The following SPAG16 variants were observed in gnomAD, a reference collection of about 807,000 sequenced individuals.
The protein encoded by SPAG16 is sperm associated antigen 16, also known as sperm-associated antigen 16 protein.
In SPAG16, 86 loss-of-function variants were observed where a neutral mutation model predicts 80.4. The observed-to-expected ratio is 1.07, with a 90% confidence interval of 0.90 to 1.28. The LOEUF is 1.28. Ranked by LOEUF, SPAG16 falls within the 50% of genes most tolerant of loss-of-function variation. The pLI is 0.00. For missense variants in SPAG16, 870 were observed against 765.3 expected (o/e 1.14, Z -1.61); for synonymous variants, 294 against 265.9 (o/e 1.11, Z -1.03).
At chr2:213,560,077 G>A (rs994423285) in intron 10 of SPAG16, among the ~76,000 whole-genome samples, 1 of 151,882 alleles carries the variant, frequency 6.6e-6, no homozygotes, top group Non-Finnish European at 1.5e-5. Flanking sequence ...AATATTGAAT[G>A]CATTCACTCA....
intron 15 of SPAG16, among the ~76,000 whole-genome samples, chr2:214,195,475 C>G (rs2057805905): frequency 6.6e-6 from 1 of 151,936 alleles, no homozygotes; most frequent in Non-Finnish European, 1.5e-5. Context: ...ACTGATGGGG[C>G]TGTAATAGAA....
chr2:213,595,290 A>G (rs1020542949), intron 10 of SPAG16, among the ~76,000 whole-genome samples: 1 of 152,106 alleles, frequency 6.6e-6, no homozygotes, highest in Non-Finnish European at 1.5e-5. Flanking sequence ...ATTAAAACTC[A>G]GTGGGGTATT....
chr2:213,422,433 T>C, intron 9 of SPAG16: 1 of 622,032 alleles, frequency 1.6e-6, no homozygotes, highest in Non-Finnish European at 2.9e-6. Context: ...TGGTTCTCAC[T>C]TGCTCACACA....
At chr2:213,763,658 AT>A (rs36033418) in intron 10 of SPAG16, among the ~76,000 whole-genome samples, 45,860 of 150,352 alleles carry the variant, frequency 0.31, 6,913 homozygotes, top group Middle Eastern at 0.41. Context: ...GGTGGATCTC[AT>A]TTTTTTTTTA....
intron 9 of SPAG16, among the ~76,000 whole-genome samples, chr2:213,489,094 A>AC (rs1311014269): frequency 6.6e-6 from 1 of 152,008 alleles, no homozygotes; most frequent in East Asian, 1.9e-4. Flanking sequence ...AAAAAAAAAA[A>AC]AAAGATTTTT....
intron 15 of SPAG16, among the ~76,000 whole-genome samples, chr2:214,301,833 G>T (rs1040298967): frequency 4.0e-5 from 6 of 151,606 alleles, no homozygotes; most frequent in Non-Finnish European, 8.8e-5. Context: ...GGTTTTATTT[G>T]TTCTTGTTTT....
intron 10 of SPAG16, among the ~76,000 whole-genome samples, chr2:213,537,341 A>C (rs1401169798): frequency 6.6e-6 from 1 of 152,062 alleles, no homozygotes; most frequent in Non-Finnish European, 1.5e-5. Flanking sequence ...ACAAACAAAA[A>C]AAAGCAACCT....
At chr2:213,593,992 G>A (rs542466197) in intron 10 of SPAG16, among the ~76,000 whole-genome samples, 8 of 151,104 alleles carry the variant, frequency 5.3e-5, no homozygotes, top group Admixed American at 1.3e-4. Context: ...AGCCAGGATG[G>A]TCTCGATATC....
intron 6 of SPAG16, among the ~76,000 whole-genome samples, chr2:213,344,888 A>G (rs2064887965): frequency 6.6e-6 from 1 of 152,222 alleles, no homozygotes; most frequent in South Asian, 2.1e-4. Flanking sequence ...TCCTTTGGGT[A>G]TATACCCAGT....
At chr2:213,988,076 A>G (rs1250974437) in intron 12 of SPAG16, among the ~76,000 whole-genome samples, 2 of 151,930 alleles carry the variant, frequency 1.3e-5, no homozygotes, top group African/African-American at 4.8e-5. Flanking sequence ...ATTGTACTGT[A>G]AGATAGATAA....
intron 9 of SPAG16, among the ~76,000 whole-genome samples, chr2:213,379,228 C>T (rs1559473575): frequency 6.6e-6 from 1 of 152,146 alleles, no homozygotes; most frequent in Non-Finnish European, 1.5e-5. Flanking sequence ...CACTTCCACC[C>T]CTTGGTTCCT....
intron 10 of SPAG16, among the ~76,000 whole-genome samples, chr2:213,739,081 GTTTTTGTTTTATTTGGGCAA>G (rs2125448551): frequency 6.6e-6 from 1 of 152,258 alleles, no homozygotes; most frequent in South Asian, 2.1e-4. Context: ...AGAAAAGTCA[GTTTTTGTTTTATTTGGGCAA>G]TTTGCTCATC....
At chr2:214,223,521 T>A (rs957551030) in intron 15 of SPAG16, among the ~76,000 whole-genome samples, 5 of 152,028 alleles carry the variant, frequency 3.3e-5, no homozygotes, top group African/African-American at 1.2e-4. Context: ...TAAAATGCAA[T>A]CTACTGAAAT....
At chr2:213,677,861 G>T (rs546456421) in intron 10 of SPAG16, among the ~76,000 whole-genome samples, 1 of 152,006 alleles carries the variant, frequency 6.6e-6, no homozygotes, top group Non-Finnish European at 1.5e-5. Context: ...TGACCACATA[G>T]TTGGAAGTAA....
At chr2:213,305,466 C>T (rs927504990) in intron 3 of SPAG16, among the ~76,000 whole-genome samples, 10 of 152,080 alleles carry the variant, frequency 6.6e-5, no homozygotes. Context: ...AGGTTTTCCC[C>T]ATTCAGTGTG....
At chr2:213,584,029 G>A (rs1214791718) in intron 10 of SPAG16, among the ~76,000 whole-genome samples, 1 of 152,176 alleles carries the variant, frequency 6.6e-6, no homozygotes, top group Non-Finnish European at 1.5e-5. Context: ...TTGTAGAAAT[G>A]TAAACTTTAA....
intron 12 of SPAG16, among the ~76,000 whole-genome samples, chr2:213,961,765 G>A (rs773237648): frequency 4.6e-5 from 7 of 152,032 alleles, no homozygotes; most frequent in Middle Eastern, 6.8e-3. Flanking sequence ...TTTACATGTT[G>A]CTGGATTTAG....
intron 10 of SPAG16, among the ~76,000 whole-genome samples, chr2:213,603,206 C>G (rs1477011416): frequency 6.6e-6 from 1 of 152,194 alleles, no homozygotes; most frequent in East Asian, 1.9e-4. Context: ...AGTCTTTAAA[C>G]TTCATAAGGT....
At chr2:213,306,768 A>C (rs1164026143) in intron 3 of SPAG16, among the ~76,000 whole-genome samples, 2 of 152,058 alleles carry the variant, frequency 1.3e-5, no homozygotes, top group African/African-American at 2.4e-5. Context: ...TAATTACTAC[A>C]GTCTCCCTCC....
Sources: gnomAD v4.1 joint callset for allele counts (sites outside exome capture counted in the v4.1 genomes callset) on GRCh38, gnomAD v4.1.1 for gene constraint, MANE v1.5 for transcripts, NCBI Gene and HGNC (gene_info 2026-07-23, HGNC 2026-07-21) for gene names.